NSUN4: variants seen among roughly 807,000 people sequenced by gnomAD.
NSUN4 encodes the protein NOP2/Sun RNA methyltransferase 4.
Under a neutral mutation model 43.8 loss-of-function variants are expected in NSUN4, and 31 were observed. That is an observed-to-expected ratio of 0.71 (90% CI 0.53 to 0.96). The LOEUF (loss-of-function observed/expected upper bound fraction) is 0.96, where lower values mean the gene tolerates loss of function less well. NSUN4 is among the 40% of genes least tolerant of loss of function. NSUN4 has a pLI of 0.00. For missense variants in NSUN4, 439 were observed against 475.6 expected, an observed-to-expected ratio of 0.92 and a Z score of 0.72; for synonymous variants, 167 against 184.1, an observed-to-expected ratio of 0.91 and a Z score of 0.75.
chr1:46,360,249 A>AAAAAAAAAAAT (rs1553177947), intron 4 of NSUN4, among the ~76,000 whole-genome samples: 7 of 25,766 alleles, frequency 2.7e-4, no homozygotes, highest in African/African-American at 7.8e-4. Context: ...AAAAAAAAAA[A>AAAAAAAAAAAT]ATATATATAT....
intron 4 of NSUN4, among the ~76,000 whole-genome samples, chr1:46,360,197 C>CCG: frequency 7.8e-6 from 1 of 128,092 alleles, no homozygotes; most frequent in Non-Finnish European, 1.6e-5. Flanking sequence ...CCACTGCACT[C>CCG]CAGCCTGGGC....
At chr1:46,370,650 C>G in the NSUN4 span, 1 of 150,348 alleles carries the variant, frequency 6.7e-6, no homozygotes, top group Non-Finnish European at 1.5e-5. Context: ...GAAATTATTC[C>G]AAAATTATTC....
downstream of NSUN4, among the ~76,000 whole-genome samples, chr1:46,369,272 G>C (rs1664200491): frequency 6.6e-6 from 1 of 152,134 alleles, no homozygotes; most frequent in Non-Finnish European, 1.5e-5. Context: ...GTTAGGGACA[G>C]TAAGCTGGTA....
rs769175051 is a variant in NSUN4, at chr1:46,344,994, A to G, written c.287A>G (p.Lys96Arg). 1.2e-6 allele frequency: 2 copies of G among 1,614,198 alleles called. No individual in the cohort carries two copies. The highest frequency in any genetic ancestry group is 3.3e-5 in the Admixed American group (2 of 60,014). The stretch of plus-strand genomic sequence containing the variant: ...GCTAAGCTGGAGCAGCTGAGTGCCA[A>G]GGATTTTGTGAATGAAGCCATCTCC... ...VSAKLEQLSA[K>R]DFVNEAISHW... Residue 96 changes from lysine to arginine, a missense_variant, in exon 2 of 6, where the codon AAG becomes AGG. Physicochemically the swap from Lys to Arg is conservative, Grantham distance 26. Coordinates refer to ENST00000474844, the MANE Select transcript of NSUN4 (RefSeq NM_199044.4).
chr1:46,369,180 C>T (rs960086156), downstream of NSUN4, among the ~76,000 whole-genome samples: 5 of 152,180 alleles, frequency 3.3e-5, no homozygotes, highest in Non-Finnish European at 4.4e-5. Flanking sequence ...CTTCTGTGCT[C>T]CCCAACCTTC....
chr1:46,364,154 A>G lies in NSUN4; in HGVS notation c.*2308A>G, dbSNP rs1664042889. ...CCTGGTCTTTACCAAAAAAAAAAAA[A>G]AAAAAATTAGCTGGGTGCGCTGGCA... On this transcript the variant is annotated 3_prime_UTR_variant, in exon 6 of 6. Coordinates refer to ENST00000474844, the MANE Select transcript of NSUN4 (RefSeq NM_199044.4). 6.6e-6 allele frequency: 1 copy of G among 150,658 alleles called. No homozygotes were observed. Among genetic ancestry groups the G allele is most frequent in the Non-Finnish European group, 1.5e-5 (1 of 67,702 alleles). The allele number at this position is 150,658 out of a possible 1,614,324, so 9.3% of individuals were successfully genotyped here.
At chr1:46,352,084 T>C (rs1201219783) in intron 3 of NSUN4, among the ~76,000 whole-genome samples, 1 of 150,132 alleles carries the variant, frequency 6.7e-6, no homozygotes, top group African/African-American at 2.4e-5. Context: ...TACTTTGGCG[T>C]CCTCCCAAAG....
At chr1:46,365,425 C>A (rs377120861), downstream of NSUN4, among the ~76,000 whole-genome samples, 10 of 152,120 alleles carry the variant, frequency 6.6e-5, no homozygotes, top group African/African-American at 2.2e-4. Flanking sequence ...CTGCAACCCC[C>A]GCCTCCCAGG....
intron 4 of NSUN4, among the ~76,000 whole-genome samples, chr1:46,360,244 AAAAAAATAT>A (rs1287642733): frequency 2.1e-3 from 82 of 39,434 alleles, no homozygotes; most frequent in African/African-American, 4.2e-3. Context: ...AAAAAAAAAA[AAAAAAATAT>A]ATATATATAT....
At chr1:46,346,320 C>T (rs113610895) in intron 2 of NSUN4, among the ~76,000 whole-genome samples, 34,043 of 151,528 alleles carry the variant, frequency 0.22, 4,284 homozygotes, top group Non-Finnish European at 0.29. Flanking sequence ...GAGGCCGAGG[C>T]GGGCAGATCA....
downstream of NSUN4, among the ~76,000 whole-genome samples, chr1:46,367,197 A>T (rs1255174471): frequency 6.6e-6 from 1 of 152,098 alleles, no homozygotes; most frequent in Non-Finnish European, 1.5e-5. Context: ...CACCCCTGCC[A>T]ATCTGCCCTT....
the NSUN4 span, among the ~76,000 whole-genome samples, chr1:46,383,232 T>G: frequency 6.6e-6 from 1 of 152,172 alleles, no homozygotes; most frequent in Non-Finnish European, 1.5e-5. Flanking sequence ...GTCCCGGGTT[T>G]GGGAAAGAGG....
intron 3 of NSUN4, among the ~76,000 whole-genome samples, chr1:46,349,412 T>C (rs1662816229): frequency 6.6e-6 from 1 of 152,204 alleles, no homozygotes; most frequent in African/African-American, 2.4e-5. Flanking sequence ...AGTGCTGGGA[T>C]TACAGGCGTG....
the NSUN4 span, among the ~76,000 whole-genome samples, chr1:46,385,190 T>G: frequency 6.6e-6 from 1 of 152,238 alleles, no homozygotes; most frequent in African/African-American, 2.4e-5. Flanking sequence ...AATAAAATCT[T>G]GTAGACATAT....
chr1:46,372,079 C>T, the NSUN4 span, among the ~76,000 whole-genome samples: 1 of 151,826 alleles, frequency 6.6e-6, no homozygotes, highest in Admixed American at 6.6e-5. Flanking sequence ...CTGTACTAGT[C>T]TCTTTAGCAA....
At chr1:46,383,284 G>C in the NSUN4 span, among the ~76,000 whole-genome samples, 12 of 152,016 alleles carry the variant, frequency 7.9e-5, no homozygotes, top group Non-Finnish European at 1.5e-5. Context: ...TCCAGTGTTT[G>C]TCCTGGGCTG....
chr1:46,378,201 AT>A, the NSUN4 span, among the ~76,000 whole-genome samples: 91,622 of 137,322 alleles, frequency 0.67, 30,361 homozygotes, highest in Admixed American at 0.73. Context: ...CATAGCAGAG[AT>A]TTTTTTTTTT....
At chr1:46,360,947 T>A in intron 5 of NSUN4, 119 bp downstream of exon 5, 1 of 1,133,494 alleles carries the variant, frequency 8.8e-7, no homozygotes, top group Non-Finnish European at 1.3e-6. Flanking sequence ...GAGATCTGCC[T>A]AGAGGAGACA....
chr1:46,380,721 T>C, the NSUN4 span, among the ~76,000 whole-genome samples: 1 of 152,166 alleles, frequency 6.6e-6, no homozygotes, highest in African/African-American at 2.4e-5. Flanking sequence ...TAAAGAGGCT[T>C]ACTCCAGGTT....
Sources: allele counts gnomAD v4.1 joint callset (sites outside exome capture counted in the v4.1 genomes callset), GRCh38; gene constraint gnomAD v4.1.1; transcripts MANE v1.5; gene names NCBI Gene and HGNC (gene_info 2026-07-23, HGNC 2026-07-21).